LPIN2: variants seen among roughly 807,000 people sequenced by gnomAD.
LPIN2 encodes lipin 2.
Under a neutral mutation model 111.4 loss-of-function variants are expected in LPIN2, and 55 were observed. That is an observed-to-expected ratio of 0.49 (90% CI 0.40 to 0.62). The LOEUF (loss-of-function observed/expected upper bound fraction) is 0.62. Among genes scored for constraint, LPIN2 ranks in the 20% least tolerant of loss-of-function variants. The probability of loss-of-function intolerance (pLI) is 0.00; values close to 1 mark genes in which losing one functional copy is unlikely to be tolerated. For missense variants in LPIN2, 992 were observed against 1,112.1 expected (o/e 0.89, Z 1.54); for synonymous variants, 425 against 414.0 (o/e 1.03, Z -0.32).
In LPIN2 at chr18:2,924,425, A is replaced by T; in HGVS notation, c.2060T>A (p.Ile687Asn). 1 of 1,614,218 alleles carries T rather than the reference A, an allele frequency of 6.2e-7. No homozygotes were observed. The change falls in exon 15 of 20, where the codon ATT becomes AAT. Residue 687 changes from isoleucine (I) to asparagine (N), a missense_variant. By Grantham distance (149) the Ile-to-Asn change is moderately radical. This residue lies in a region of LPIN2 where 709 missense variants were observed against 753.2 expected (regional missense o/e 0.94). Coordinates refer to ENST00000677752, the MANE Select transcript of LPIN2 (RefSeq NM_001375808.2). ...GGTTATTGTCCCATCAATATCAGAA[A>T]TGATGATCTTGTCATTCCAGTTCCA... ...YLWNWNDKIIISDIDGTITKS... is the reference protein window; with the variant it reads ...YLWNWNDKIINSDIDGTITKS...
chr18:2,988,266 A>C (rs2078216158), intron 1 of LPIN2, among the ~76,000 whole-genome samples: 1 of 152,186 alleles, frequency 6.6e-6, no homozygotes, highest in South Asian at 2.1e-4. Flanking sequence ...TCTTGAATGC[A>C]GGCTCATTTA....
At chr18:3,010,783 A>C (rs2078589478) in intron 1 of LPIN2, among the ~76,000 whole-genome samples, 1 of 152,344 alleles carries the variant, frequency 6.6e-6, no homozygotes, top group African/African-American at 2.4e-5. Context: ...CTGTGCTGAT[A>C]TATATTAGGA....
chr18:2,987,765 G>A (rs986519840), intron 1 of LPIN2, among the ~76,000 whole-genome samples: 3 of 152,014 alleles, frequency 2.0e-5, no homozygotes, highest in African/African-American at 7.2e-5. Context: ...TCCATCTATA[G>A]AAACGAACGG....
intron 1 of LPIN2, among the ~76,000 whole-genome samples, chr18:3,000,809 C>T (rs927253004): frequency 3.9e-5 from 6 of 152,120 alleles, no homozygotes; most frequent in African/African-American, 1.4e-4. Flanking sequence ...GGGTACTTCC[C>T]GTGTTCCCTC....
intron 1 of LPIN2, among the ~76,000 whole-genome samples, chr18:2,984,556 G>T (rs753150163): frequency 1.3e-5 from 2 of 152,000 alleles, no homozygotes; most frequent in Non-Finnish European, 2.9e-5. Context: ...GTAGGAGAAA[G>T]AGAGATTAAA....
chr18:2,920,537 G>A, intron 19 of LPIN2, 100 bp from the exon 20 acceptor site: 4 of 1,358,342 alleles, frequency 2.9e-6, no homozygotes, highest in African/African-American at 1.4e-5. Context: ...TTGCTCAGGT[G>A]GGCAGGTTCA....
chr18:2,947,958 AGATT>A (rs1238468477), intron 4 of LPIN2, among the ~76,000 whole-genome samples: 5 of 152,182 alleles, frequency 3.3e-5, no homozygotes, highest in Non-Finnish European at 1.5e-5. Flanking sequence ...CTCACTTTAT[AGATT>A]AAGAAACCAA....
intron 1 of LPIN2, among the ~76,000 whole-genome samples, chr18:3,012,489 G>C (rs2078621327): frequency 1.2e-5 from 1 of 86,272 alleles, no homozygotes; most frequent in South Asian, 4.0e-4. Context: ...GATCTGCACC[G>C]GGGGCTGGGG....
intron 1 of LPIN2, among the ~76,000 whole-genome samples, chr18:2,961,480 G>C (rs2077712668): frequency 6.6e-6 from 1 of 152,096 alleles, no homozygotes; most frequent in Admixed American, 6.6e-5. Flanking sequence ...TAACTAACTG[G>C]AACATGCAAT....
chr18:2,950,018 T>C (rs2077510005), intron 4 of LPIN2, among the ~76,000 whole-genome samples: 1 of 152,066 alleles, frequency 6.6e-6, no homozygotes, highest in Non-Finnish European at 1.5e-5. Context: ...GGAGGACTGC[T>C]TGAGTTCGGG....
intron 4 of LPIN2, among the ~76,000 whole-genome samples, chr18:2,944,454 C>G (rs1234747590): frequency 6.8e-6 from 1 of 147,738 alleles, no homozygotes; most frequent in Non-Finnish European, 1.5e-5. Context: ...TAGGTTCACG[C>G]CATTCTCCTG....
Position 2,920,018 on chromosome 18 carries a change from G to C in LPIN2, c.*275C>G, listed in dbSNP as rs886053761. On this transcript the variant is annotated 3_prime_UTR_variant, in exon 20 of 20. Transcript: ENST00000677752. ...AATGATGCAATGGAAGGAGGCCCCA[G>C]CTCACAGCAGGAAACATGTGTGCGA... The C allele has an allele frequency of 3.5e-5, 19 of 544,178 alleles. No individual in the cohort carries two copies. In the East Asian group the frequency reaches 5.8e-4, roughly 17 times the overall value. The allele number at this position is 544,178 out of a possible 1,614,324, so 33.7% of individuals were successfully genotyped here.
chr18:3,009,950 T>C (rs980834889), intron 1 of LPIN2, among the ~76,000 whole-genome samples: 1 of 152,218 alleles, frequency 6.6e-6, no homozygotes, highest in Non-Finnish European at 1.5e-5. Flanking sequence ...CAACAGATTT[T>C]TTTTTCTTCT....
At chr18:3,002,498 A>C (rs2078449235) in intron 1 of LPIN2, among the ~76,000 whole-genome samples, 1 of 152,164 alleles carries the variant, frequency 6.6e-6, no homozygotes, top group Admixed American at 6.5e-5. Flanking sequence ...GTCCCATTCT[A>C]AACACAAAGA....
At chr18:2,982,840 GACAAACTGAGT>G in intron 1 of LPIN2, 1 of 610,636 alleles carries the variant, frequency 1.6e-6, no homozygotes, top group Non-Finnish European at 2.7e-6. Flanking sequence ...CTGCTCTCTT[GACAAACTGAGT>G]ACAAACTGCT....
In LPIN2 at chr18:2,926,772, G is replaced by A. The variant is rs1477117796; in HGVS notation, c.1744C>T (p.Pro582Ser). 1.9e-6 allele frequency: 3 copies of A among 1,613,792 alleles called. No individual in the cohort carries two copies. The highest frequency in any genetic ancestry group is 2.2e-5 in the East Asian group (1 of 44,884). The change falls in exon 13 of 20, where the codon CCG (proline) becomes TCG (serine). Residue 582 changes from proline (P) to serine (S), a missense_variant. Coordinates refer to ENST00000677752, the MANE Select transcript of LPIN2 (RefSeq NM_001375808.2). ...PESKEGKSEA[P>S]PASDLPSSSK... ...CTGGATGGCAGGTCACTGGCTGGCG[G>A]TGCCTCAGATTTTCCCTCCTTGGAT...
intron 1 of LPIN2, chr18:2,979,218 C>T (rs1405806978): frequency 6.6e-6 from 1 of 152,174 alleles, no homozygotes; most frequent in Non-Finnish European, 1.5e-5. Flanking sequence ...TTTTGGGACA[C>T]CTAAAGGCAC....
At chr18:2,924,072 G>A (rs893826856) in intron 15 of LPIN2, among the ~76,000 whole-genome samples, 2 of 152,234 alleles carry the variant, frequency 1.3e-5, no homozygotes, top group Non-Finnish European at 2.9e-5. Context: ...AGCGCCAGAT[G>A]TGTGTGTTCG....
chr18:3,011,472 G>A (rs1327789407), intron 1 of LPIN2, among the ~76,000 whole-genome samples: 1 of 152,076 alleles, frequency 6.6e-6, no homozygotes, highest in Non-Finnish European at 1.5e-5. Flanking sequence ...ATCACCTGAG[G>A]TCGGCAGTTC....
Sources: allele counts gnomAD v4.1 joint callset (sites outside exome capture counted in the v4.1 genomes callset), GRCh38; gene constraint gnomAD v4.1.1; regional missense constraint gnomAD v4.1.1; transcripts MANE v1.5; gene names NCBI Gene and HGNC (gene_info 2026-07-23, HGNC 2026-07-21).